The following CD163L1 variants were observed in gnomAD, a reference collection of about 807,000 sequenced individuals.
CD163L1 encodes the protein scavenger receptor cysteine-rich type 1 protein M160.
In CD163L1, 124 loss-of-function variants were observed where a neutral mutation model predicts 165.4. The ratio of observed to expected loss-of-function variants is 0.75; its 90% CI spans 0.65 to 0.87. CD163L1 has a LOEUF of 0.87. Among genes scored for constraint, CD163L1 ranks in the 40% least tolerant of loss-of-function variants. The probability of loss-of-function intolerance (pLI) is 0.00; values close to 1 mark genes in which losing one functional copy is unlikely to be tolerated. For synonymous variants in CD163L1, 585 were observed against 662.2 expected (o/e 0.88, Z 1.79); for missense variants, 1,525 against 1,799.9 (o/e 0.85, Z 2.76).
Position 7,372,046 on chromosome 12 carries a change from C to T in CD163L1, c.3730+1274G>A, listed in dbSNP as rs1357463167. ...ATGATATTATTTTGTGATACAATTACAATAGTAAAAAGAAGCAAAATGCTT... is the reference window on the plus strand; with the variant it reads ...ATGATATTATTTTGTGATACAATTATAATAGTAAAAAGAAGCAAAATGCTT... On this transcript the variant is annotated intron_variant, in intron 14 of 19. Transcript: ENST00000313599. The surrounding 1 kb of genome is among the most constrained non-coding windows in gnomAD (Gnocchi z 4.2). Among the ~76,000 whole-genome samples the T allele has an allele frequency of 1.3e-5, 2 of 151,032 alleles. No individual in the cohort carries two copies. The highest frequency in any genetic ancestry group is 2.4e-5 in the African/African-American group (1 of 40,996).
intron 4 of CD163L1, among the ~76,000 whole-genome samples, chr12:7,407,680 CAT>C (rs1417691056): frequency 4.6e-5 from 7 of 151,312 alleles, no homozygotes; most frequent in African/African-American, 1.7e-4. Flanking sequence ...TATACACACA[CAT>C]ATATATAGTG....
chr12:7,373,423 G>A lies in CD163L1; in HGVS notation c.3627C>T (p.Asp1209=). The A allele has an allele frequency of 6.2e-7, 1 of 1,614,182 alleles. No homozygotes were observed. The highest frequency in any genetic ancestry group is 8.5e-7 in the Non-Finnish European group (1 of 1,180,018). ...KTGSGFMWVD[D]IQCPKTHISI... Reference sequence around the variant, plus strand: ...AGATATGCGTTTTAGGACACTGAATGTCATCCACCCACATGAAACCAGAGC... The same window carrying A: ...AGATATGCGTTTTAGGACACTGAATATCATCCACCCACATGAAACCAGAGC... Residue 1209 remains aspartate, a synonymous_variant, in exon 14 of 20, where the codon GAC becomes GAT. Transcript: ENST00000313599.
chr12:7,440,118 C>G (rs1565821856), intron 2 of CD163L1: 18 of 753,184 alleles, frequency 2.4e-5, no homozygotes, highest in Non-Finnish European at 4.0e-5. Context: ...GGCTTGGACC[C>G]GCCGCGCCAG....
chr12:7,343,365 GC>G (rs144827228), downstream of CD163L1, among the ~76,000 whole-genome samples: 544 of 152,246 alleles, frequency 3.6e-3, 3 homozygotes, highest in African/African-American at 0.013. Context: ...CAATCTCAAT[GC>G]CATTCTTACA....
chr12:7,362,368 A>G (rs1946915861), intron 18 of CD163L1, among the ~76,000 whole-genome samples: 1 of 137,590 alleles, frequency 7.3e-6, no homozygotes, highest in Non-Finnish European at 1.5e-5. Flanking sequence ...TATATTAAAT[A>G]TATATTATAT....
At chr12:7,320,427 GA>G in the CD163L1 span, among the ~76,000 whole-genome samples, 3 of 152,156 alleles carry the variant, frequency 2.0e-5, no homozygotes, top group African/African-American at 7.2e-5. Flanking sequence ...TAGCCCTGAG[GA>G]AGAATAAACC....
chr12:7,402,561 C>T (rs1184517859), intron 6 of CD163L1, among the ~76,000 whole-genome samples: 1 of 152,076 alleles, frequency 6.6e-6, no homozygotes, highest in Non-Finnish European at 1.5e-5. Context: ...CCACTTAGGA[C>T]TCTCTAGATA....
the CD163L1 span, among the ~76,000 whole-genome samples, chr12:7,340,828 T>C: frequency 6.6e-6 from 1 of 152,184 alleles, no homozygotes; most frequent in Admixed American, 6.5e-5. Flanking sequence ...TCGGCTCATA[T>C]CTCTCTTATA....
At chr12:7,375,234 G>A (rs1019419297) in intron 11 of CD163L1, 47 bp downstream of exon 11, 5 of 1,575,444 alleles carry the variant, frequency 3.2e-6, no homozygotes, top group Non-Finnish European at 4.3e-6. Flanking sequence ...CCTCTACCAT[G>A]TCTGGGCTAT....
chr12:7,420,067 A>G (rs1201317706), intron 4 of CD163L1, among the ~76,000 whole-genome samples: 1 of 152,036 alleles, frequency 6.6e-6, no homozygotes, highest in Non-Finnish European at 1.5e-5. Flanking sequence ...TTTACAGCCA[A>G]CTGATCTTTA....
At chr12:7,385,439 T>C (rs1164913163) in intron 8 of CD163L1, among the ~76,000 whole-genome samples, 2 of 151,960 alleles carry the variant, frequency 1.3e-5, no homozygotes, top group African/African-American at 2.4e-5. Context: ...CATCTCAATA[T>C]TGAACATATC....
intron 2 of CD163L1, chr12:7,438,975 T>C: frequency 6.2e-7 from 1 of 1,605,204 alleles, no homozygotes; most frequent in Non-Finnish European, 8.5e-7. Flanking sequence ...CTCTCTCTAG[T>C]GTCCTCAACC....
intron 6 of CD163L1, among the ~76,000 whole-genome samples, chr12:7,399,305 CTT>C (rs1471189592): frequency 1.4e-5 from 2 of 138,316 alleles, no homozygotes; most frequent in Non-Finnish European, 3.1e-5. Context: ...TCTCTCCTTT[CTT>C]TCTTTTCTTT....
At chr12:7,360,184 C>T (rs566763812) in intron 18 of CD163L1, among the ~76,000 whole-genome samples, 32 of 151,950 alleles carry the variant, frequency 2.1e-4, no homozygotes, top group Non-Finnish European at 1.3e-4. Context: ...CTCTTGTCAC[C>T]CAGGCTGGAG....
intron 8 of CD163L1, among the ~76,000 whole-genome samples, chr12:7,389,098 T>A (rs747795712): frequency 6.6e-6 from 1 of 152,302 alleles, no homozygotes; most frequent in Admixed American, 6.5e-5. Context: ...ATACATTGAT[T>A]TCCTTTTTGG....
chr12:7,382,990 A>C (rs983021104), intron 8 of CD163L1, among the ~76,000 whole-genome samples: 5 of 152,172 alleles, frequency 3.3e-5, no homozygotes, highest in Non-Finnish European at 7.3e-5. Flanking sequence ...AGAGAGCTGA[A>C]GCATCTCCCC....
At chr12:7,352,735 A>C (rs1424800056), downstream of CD163L1, among the ~76,000 whole-genome samples, 2 of 152,162 alleles carry the variant, frequency 1.3e-5, no homozygotes, top group African/African-American at 4.8e-5. Context: ...CAGAGACATC[A>C]GAGGCTGCAT....
At chr12:7,351,205 AAT>A (rs1946704680), downstream of CD163L1, among the ~76,000 whole-genome samples, 2 of 152,254 alleles carry the variant, frequency 1.3e-5, no homozygotes, top group South Asian at 2.1e-4. Flanking sequence ...AATGCATATA[AAT>A]ATGTGTGTAA....
intron 4 of CD163L1, among the ~76,000 whole-genome samples, chr12:7,429,521 A>C (rs1490756667): frequency 6.6e-6 from 1 of 151,964 alleles, no homozygotes; most frequent in Admixed American, 6.6e-5. Flanking sequence ...ATGTTCCAAC[A>C]CTCTTAGCAT....
Sources: gnomAD v4.1 joint callset for allele counts (sites outside exome capture counted in the v4.1 genomes callset) on GRCh38, gnomAD v4.1.1 for gene constraint, Gnocchi (gnomAD v3.1) non-coding constraint, MANE v1.5 for transcripts, NCBI Gene and HGNC (gene_info 2026-07-23, HGNC 2026-07-21) for gene names.